Variants in FRMD4B observed in about 807,000 individuals in gnomAD.
FRMD4B encodes the protein FERM domain-containing protein 4B.
In FRMD4B, 74 loss-of-function variants were observed where a neutral mutation model predicts 141.5. That is an observed-to-expected ratio of 0.52 (90% confidence interval 0.43 to 0.63). The LOEUF (loss-of-function observed/expected upper bound fraction) is 0.63, where lower values mean the gene tolerates loss of function less well. FRMD4B is among the 30% of genes least tolerant of loss of function. The probability of loss-of-function intolerance (pLI) is 0.00; values close to 1 mark genes in which losing one functional copy is unlikely to be tolerated. For synonymous variants in FRMD4B, 506 were observed against 467.9 expected (o/e 1.08, Z -1.05); for missense variants, 1,366 against 1,253.4 (o/e 1.09, Z -1.36).
intron 2 of FRMD4B, among the ~76,000 whole-genome samples, chr3:69,401,939 T>C (rs1704570461): frequency 6.6e-6 from 1 of 152,210 alleles, no homozygotes; most frequent in African/African-American, 2.4e-5. Context: ...GAAAAACTTT[T>C]AGTTTAGTAA....
intron 1 of FRMD4B, among the ~76,000 whole-genome samples, chr3:69,354,630 G>C (rs186265374): frequency 6.6e-6 from 1 of 152,302 alleles, no homozygotes; most frequent in African/African-American, 2.4e-5. Flanking sequence ...AATTAAAAGA[G>C]ATAGTTCATG....
chr3:69,274,066 A>G (rs2093606885), intron 5 of FRMD4B, among the ~76,000 whole-genome samples: 1 of 152,164 alleles, frequency 6.6e-6, no homozygotes, highest in South Asian at 2.1e-4. Context: ...GAGGCTTGAG[A>G]AAGACTAGGA....
intron 3 of FRMD4B, among the ~76,000 whole-genome samples, chr3:69,310,769 A>G (rs1159070223): frequency 6.6e-6 from 1 of 152,042 alleles, no homozygotes; most frequent in Non-Finnish European, 1.5e-5. Context: ...AAAAAAAAAG[A>G]AAAAGATAGT....
chr3:69,182,671 G>C lies in FRMD4B; in HGVS notation c.1966C>G (p.Arg656Gly). The part of the protein sequence containing the change: ...HSSPYKTLER[R>G]PQGGRSMPTT... ...GGCATGCTTCGTCCTCCCTGGGGCC[G>C]CCTCTCCAGAGTTTTGTAAGGGCTG... Residue 656 changes from arginine (R) to glycine (G), a missense_variant, in exon 20 of 23, where the codon CGG (arginine) becomes GGG (glycine). Arg to Gly is a moderately radical substitution (Grantham distance 125). Coordinates refer to ENST00000398540, the MANE Select transcript of FRMD4B (RefSeq NM_015123.3). 1 of 1,613,166 alleles carries C rather than the reference G, an allele frequency of 6.2e-7. No homozygotes were observed. The highest frequency in any genetic ancestry group is 8.5e-7 in the Non-Finnish European group (1 of 1,179,252).
chr3:69,521,576 T>C (rs1469549343), intron 1 of FRMD4B, among the ~76,000 whole-genome samples: 1 of 152,210 alleles, frequency 6.6e-6, no homozygotes, highest in Admixed American at 6.5e-5. Context: ...CTCCATTAAC[T>C]TCCCATTGTA....
intron 1 of FRMD4B, among the ~76,000 whole-genome samples, chr3:69,327,486 A>T (rs1389895178): frequency 6.6e-6 from 1 of 152,232 alleles, no homozygotes; most frequent in African/African-American, 2.4e-5. Flanking sequence ...AGAAAATCAG[A>T]ATCAACTTTA....
intron 5 of FRMD4B, among the ~76,000 whole-genome samples, chr3:69,270,566 T>TTC (rs2093589505): frequency 1.5e-5 from 2 of 137,072 alleles, no homozygotes; most frequent in Admixed American, 1.5e-4. Context: ...TTTTTCTTTT[T>TTC]TTCTTTTTTT....
chr3:69,349,015 A>G (rs1703043381), intron 1 of FRMD4B, among the ~76,000 whole-genome samples: 1 of 152,216 alleles, frequency 6.6e-6, no homozygotes, highest in South Asian at 2.1e-4. Context: ...TTCATTTAGG[A>G]AAAGAGGAAG....
chr3:69,519,248 G>A (rs1463419687), intron 1 of FRMD4B, among the ~76,000 whole-genome samples: 1 of 152,186 alleles, frequency 6.6e-6, no homozygotes, highest in East Asian at 1.9e-4. Context: ...GGTCCTCAGG[G>A]ATGAGTGGGA....
intron 5 of FRMD4B, among the ~76,000 whole-genome samples, chr3:69,251,668 G>C (rs1219530384): frequency 6.6e-6 from 1 of 152,200 alleles, no homozygotes; most frequent in African/African-American, 2.4e-5. Flanking sequence ...GACAGGCCCA[G>C]AGCCTTGGAA....
intron 1 of FRMD4B, among the ~76,000 whole-genome samples, chr3:69,533,945 C>T (rs1701042543): frequency 6.6e-6 from 1 of 152,220 alleles, no homozygotes; most frequent in Admixed American, 6.5e-5. Flanking sequence ...ATATCCTCCA[C>T]AGCACTCAAT....
rs2092562529 is a variant in FRMD4B, at chr3:69,169,063, G to A, written c.*2798C>T. Among the ~76,000 whole-genome samples, 1 of 139,402 alleles carries A rather than the reference G, an allele frequency of 7.2e-6. No individual in the cohort carries two copies. The highest frequency in any genetic ancestry group is 1.6e-5 in the Non-Finnish European group (1 of 63,914). 91.5% of individuals were successfully genotyped at this position (139,402 alleles called of 152,430 possible). On this transcript the variant is annotated 3_prime_UTR_variant, in exon 23 of 23. Transcript: ENST00000398540. ...CTGGACTTTAAAAAAATTACTATAT[G>A]CATAGAAAAAAATCCAAACAAATAT... is the stretch of plus-strand genomic sequence containing the variant.
At chr3:69,242,099 A>C (rs571938641) in intron 7 of FRMD4B, among the ~76,000 whole-genome samples, 2 of 152,246 alleles carry the variant, frequency 1.3e-5, no homozygotes, top group African/African-American at 4.8e-5. Flanking sequence ...CATATTAATA[A>C]TAGTAACGAT....
intron 3 of FRMD4B, among the ~76,000 whole-genome samples, chr3:69,309,030 G>A (rs533601654): frequency 6.6e-6 from 1 of 152,260 alleles, no homozygotes; most frequent in African/African-American, 2.4e-5. Flanking sequence ...TGCAATATGA[G>A]CTCCATAAAA....
chr3:69,471,902 C>T (rs1705898063), intron 1 of FRMD4B: 1 of 155,058 alleles, frequency 6.4e-6, no homozygotes, highest in Non-Finnish European at 1.5e-5. Flanking sequence ...TACTAAGGTC[C>T]CGACTGACTC....
intron 1 of FRMD4B, among the ~76,000 whole-genome samples, chr3:69,481,759 T>G (rs981874605): frequency 6.6e-6 from 1 of 152,142 alleles, no homozygotes; most frequent in Admixed American, 6.5e-5. Flanking sequence ...GGGCCCCACA[T>G]TCAAGAATCT....
intron 7 of FRMD4B, among the ~76,000 whole-genome samples, chr3:69,227,409 T>A (rs2093264766): frequency 1.3e-5 from 2 of 152,102 alleles, no homozygotes; most frequent in Admixed American, 1.3e-4. Flanking sequence ...TAGCCTATAA[T>A]CCCAGCGCTT....
intron 1 of FRMD4B, among the ~76,000 whole-genome samples, chr3:69,466,648 T>C (rs1374345282): frequency 6.6e-6 from 1 of 152,204 alleles, no homozygotes; most frequent in Non-Finnish European, 1.5e-5. Flanking sequence ...TTTATGTTTG[T>C]ATTTTCTCAC....
intron 1 of FRMD4B, among the ~76,000 whole-genome samples, chr3:69,484,162 T>A (rs1426037522): frequency 6.6e-6 from 1 of 152,168 alleles, no homozygotes; most frequent in Non-Finnish European, 1.5e-5. Flanking sequence ...ATAATCTTAG[T>A]GCATTTATTT....
Sources: gnomAD v4.1 joint callset for allele counts (sites outside exome capture counted in the v4.1 genomes callset) on GRCh38, gnomAD v4.1.1 for gene constraint, MANE v1.5 for transcripts, NCBI Gene and HGNC (gene_info 2026-07-23, HGNC 2026-07-21) for gene names.